Variants in GABRB3 observed in about 807,000 individuals in gnomAD.
GABRB3 encodes gamma-aminobutyric acid type A receptor subunit beta3.
A neutral mutation model predicts 52.1 loss-of-function variants in GABRB3; 14 were observed. The observed-to-expected ratio is 0.27, with a 90% confidence interval of 0.18 to 0.42. The LOEUF is 0.42. Ranked by LOEUF, GABRB3 falls within the 10% of genes least tolerant of loss-of-function variation. The pLI, the probability that GABRB3 is intolerant of heterozygous loss-of-function variation, is 1.00. For missense variants in GABRB3, 307 were observed against 609.1 expected (o/e 0.50, Z 5.22); for synonymous variants, 260 against 232.3 (o/e 1.12, Z -1.08).
chr15:26,719,144 A>G (rs1167341155), intron 3 of GABRB3, among the ~76,000 whole-genome samples: 1 of 152,260 alleles, frequency 6.6e-6, no homozygotes, highest in Non-Finnish European at 1.5e-5. Context: ...CCATGTCCAC[A>G]ACAGCACAGC....
rs1889964880 is a variant in GABRB3, at chr15:26,561,085, G to A, written c.927C>T (p.Tyr309=). Residue 309 remains tyrosine, a synonymous_variant, in exon 8 of 9, where the codon TAC becomes TAT. Coordinates refer to ENST00000311550, the MANE Select transcript of GABRB3 (RefSeq NM_000814.6). The part of the protein sequence containing the change: ...KIPYVKAIDM[Y]LMGCFVFVFL... ...ACACAAAGACGAAGCAGCCCATAAG[G>A]TACATGTCAATGGCTTTGACATAGG... 2 of 1,614,074 alleles carry A rather than the reference G, an allele frequency of 1.2e-6. No homozygotes were observed.
At chr15:26,749,362 A>T (rs1192691027) in intron 3 of GABRB3, among the ~76,000 whole-genome samples, 1 of 152,026 alleles carries the variant, frequency 6.6e-6, no homozygotes, top group Non-Finnish European at 1.5e-5. Context: ...TTCTAGTTTG[A>T]TTTCACTATG....
In GABRB3 at chr15:26,544,055, C is replaced by T. The variant is rs1411802302; in HGVS notation, c.*3738G>A. 1 of 152,548 alleles carries T rather than the reference C, an allele frequency of 6.6e-6. No individual in the cohort carries two copies. The highest frequency in any genetic ancestry group is 1.5e-5 in the Non-Finnish European group (1 of 68,050). The allele number at this position is 152,548 out of a possible 1,614,324, so 9.4% of individuals were successfully genotyped here. A position where few individuals can be genotyped will look rare whatever the true frequency, so the allele number is the denominator to read the frequency against. ...TTCGATGTTACTCTAATGGCTCACA[C>T]TGACAGCCAGAGTCAATTCCAAGAG... On this transcript the variant is annotated 3_prime_UTR_variant, in exon 9 of 9. Transcript: ENST00000311550.
intron 3 of GABRB3, among the ~76,000 whole-genome samples, chr15:26,668,362 G>A (rs1334370907): frequency 6.6e-6 from 1 of 152,218 alleles, no homozygotes; most frequent in Non-Finnish European, 1.5e-5. Flanking sequence ...ATGATTGGCA[G>A]AAAGCAAATA....
chr15:26,738,842 G>A (rs1038967747), intron 3 of GABRB3, among the ~76,000 whole-genome samples: 1 of 152,102 alleles, frequency 6.6e-6, no homozygotes, highest in Non-Finnish European at 1.5e-5. Context: ...ATTTATCCAT[G>A]AGAAATTAGC....
intron 3 of GABRB3, among the ~76,000 whole-genome samples, chr15:26,675,421 C>T (rs985940745): frequency 5.3e-5 from 8 of 152,030 alleles, no homozygotes; most frequent in African/African-American, 1.9e-4. Context: ...ACACCCCCTA[C>T]CTTGTGTGTC....
At chr15:26,659,817 G>A (rs1226100524) in intron 3 of GABRB3, among the ~76,000 whole-genome samples, 2 of 152,152 alleles carry the variant, frequency 1.3e-5, no homozygotes, top group Non-Finnish European at 2.9e-5. Flanking sequence ...CCCATGGGGA[G>A]GCACACCAGA....
chr15:26,619,830 C>T (rs373337499), intron 4 of GABRB3, among the ~76,000 whole-genome samples: 3 of 151,836 alleles, frequency 2.0e-5, no homozygotes, highest in East Asian at 3.9e-4. Flanking sequence ...CACACACCTA[C>T]AACACACACA....
chr15:26,767,720 C>G (rs1891036850), intron 3 of GABRB3, among the ~76,000 whole-genome samples: 1 of 152,170 alleles, frequency 6.6e-6, no homozygotes, highest in South Asian at 2.1e-4. Context: ...GAAGGCAAAG[C>G]AGCTTCTAGA....
intron 3 of GABRB3, among the ~76,000 whole-genome samples, chr15:26,634,337 G>A (rs1043562524): frequency 2.6e-5 from 4 of 151,832 alleles, no homozygotes; most frequent in African/African-American, 9.7e-5. Context: ...TCACCCACCC[G>A]CCCACTCACG....
chr15:26,602,534 TGAAA>T (rs2140502742), intron 4 of GABRB3, among the ~76,000 whole-genome samples: 1 of 152,176 alleles, frequency 6.6e-6, no homozygotes, highest in South Asian at 2.1e-4. Flanking sequence ...TTTAAAACGT[TGAAA>T]GAAACTGAAA....
intron 3 of GABRB3, among the ~76,000 whole-genome samples, chr15:26,722,203 G>A (rs892773154): frequency 6.6e-6 from 1 of 152,132 alleles, no homozygotes; most frequent in African/African-American, 2.4e-5. Flanking sequence ...AGCTTCAGTT[G>A]GGCTGGGGTG....
intron 3 of GABRB3, among the ~76,000 whole-genome samples, chr15:26,626,061 T>TTC (rs1339969045): frequency 2.8e-4 from 42 of 152,372 alleles, no homozygotes; most frequent in African/African-American, 7.9e-4. Context: ...TCCAACAGCA[T>TTC]ATGCTCACTT....
chr15:26,643,674 C>G (rs139397466), intron 3 of GABRB3, among the ~76,000 whole-genome samples: 1 of 152,068 alleles, frequency 6.6e-6, no homozygotes, highest in Middle Eastern at 3.4e-3. Flanking sequence ...TTCTGACACA[C>G]GGGAAGTCCC....
chr15:26,634,911 C>A (rs1459602657), intron 3 of GABRB3, among the ~76,000 whole-genome samples: 1 of 142,152 alleles, frequency 7.0e-6, no homozygotes, highest in Non-Finnish European at 1.5e-5. Flanking sequence ...TTATATATAT[C>A]TCTCTCCAAA....
chr15:26,671,525 G>A (rs1031905125), intron 3 of GABRB3, among the ~76,000 whole-genome samples: 2 of 152,142 alleles, frequency 1.3e-5, no homozygotes, highest in African/African-American at 4.8e-5. Context: ...TTCCCGTTTC[G>A]AGAGTGCTTT....
intron 3 of GABRB3, among the ~76,000 whole-genome samples, chr15:26,761,686 C>T (rs913750212): frequency 3.9e-5 from 6 of 152,122 alleles, no homozygotes; most frequent in Admixed American, 1.3e-4. Context: ...GCCACAGCCC[C>T]CAGGAGGAAT....
At chr15:26,570,085 T>C (rs1450724446) in intron 6 of GABRB3, among the ~76,000 whole-genome samples, 3 of 152,208 alleles carry the variant, frequency 2.0e-5, no homozygotes, top group Admixed American at 6.5e-5. Flanking sequence ...GATCCCTAAC[T>C]TTTTGTATGC....
intron 3 of GABRB3, among the ~76,000 whole-genome samples, chr15:26,694,085 C>T (rs568721323): frequency 6.6e-6 from 1 of 152,138 alleles, no homozygotes; most frequent in Admixed American, 6.5e-5. Context: ...ATGTAACAGC[C>T]TGGGCAACAT....
Sources: allele counts gnomAD v4.1 joint callset (sites outside exome capture counted in the v4.1 genomes callset), GRCh38; gene constraint gnomAD v4.1.1; transcripts MANE v1.5; gene names NCBI Gene and HGNC (gene_info 2026-07-23, HGNC 2026-07-21).